Variants in SPIN1 observed in about 807,000 individuals in gnomAD.
The protein encoded by SPIN1 is spindlin-1.
SPIN1 carries 3 observed loss-of-function variants against 26.0 expected under a neutral mutation model. The ratio of observed to expected loss-of-function variants is 0.12; its 90% CI spans 0.05 to 0.30. SPIN1 has a LOEUF of 0.30. Ranked by LOEUF, SPIN1 falls within the 10% of genes least tolerant of loss-of-function variation. The pLI is 1.00. For missense variants in SPIN1, 126 were observed against 333.4 expected, an observed-to-expected ratio of 0.38 and a Z score of 4.84; for synonymous variants, 101 against 116.5, an observed-to-expected ratio of 0.87 and a Z score of 0.86.
chr9:88,459,509 CCTTT>C (rs750706257), intron 3 of SPIN1, among the ~76,000 whole-genome samples: 2 of 152,076 alleles, frequency 1.3e-5, no homozygotes, highest in Non-Finnish European at 2.9e-5. Flanking sequence ...TTTGTCATCT[CCTTT>C]CTCTCTACAA....
At chr9:88,444,584 C>G (rs945710954) in intron 2 of SPIN1, among the ~76,000 whole-genome samples, 6 of 151,616 alleles carry the variant, frequency 4.0e-5, no homozygotes, top group African/African-American at 1.5e-4. Flanking sequence ...CTTGGAGATG[C>G]CAATTCTTTA....
chr9:88,438,097 A>G (rs1244504397), intron 2 of SPIN1, among the ~76,000 whole-genome samples: 1 of 151,850 alleles, frequency 6.6e-6, no homozygotes, highest in African/African-American at 2.4e-5. Flanking sequence ...TTTGCAGTGC[A>G]TCGAGATCAT....
chr9:88,465,839 G>A (rs191366587), intron 4 of SPIN1, among the ~76,000 whole-genome samples: 4 of 152,256 alleles, frequency 2.6e-5, no homozygotes, highest in Admixed American at 2.0e-4. Context: ...ATTCTTTTCA[G>A]TATCATATCT....
Position 88,460,247 on chromosome 9 carries a change from C to T in SPIN1, c.102-2249C>T, listed in dbSNP as rs538261128. Among the ~76,000 whole-genome samples, 9 of 152,174 alleles carry T rather than the reference C, an allele frequency of 5.9e-5. No homozygotes were observed. In the South Asian group the frequency reaches 1.5e-3, roughly 25 times the overall value. On this transcript the variant is annotated intron_variant, in intron 3 of 5. Transcript: ENST00000375859. ...TCTTAATTCTTTTTACTTTTGTCCCCGTCTGTCCCCTTTTCATCATCCACT... is the reference window on the plus strand; with the variant it reads ...TCTTAATTCTTTTTACTTTTGTCCCTGTCTGTCCCCTTTTCATCATCCACT...
chr9:88,395,239 C>T lies in SPIN1; in HGVS notation c.-159+6701C>T, dbSNP rs954159200. Among the ~76,000 whole-genome samples, 17 of 151,964 alleles carry T rather than the reference C, an allele frequency of 1.1e-4. 1 individual carries two copies. Among genetic ancestry groups the T allele is most frequent in the African/African-American group, 4.1e-4 (17 of 41,402 alleles). ...TTCCTCCACGAATTTCTCTCTTGCC[C>T]CAGTTGTTTTTGCTTTGTTTTTCTG... On this transcript the variant is annotated intron_variant, in intron 1 of 5. Coordinates refer to ENST00000375859, the MANE Select transcript of SPIN1 (RefSeq NM_006717.3).
chr9:88,470,066 T>C (rs145099617), intron 5 of SPIN1, among the ~76,000 whole-genome samples: 1 of 152,356 alleles, frequency 6.6e-6, no homozygotes, highest in Non-Finnish European at 1.5e-5. Context: ...ATGGACTATA[T>C]GGTGTGAGGT....
At chr9:88,411,226 C>A in intron 1 of SPIN1, 1 of 1,171,794 alleles carries the variant, frequency 8.5e-7, no homozygotes. Context: ...GTCTTCTGTT[C>A]ACCTTGTGTG....
chr9:88,393,928 A>G (rs1366557875), intron 1 of SPIN1, among the ~76,000 whole-genome samples: 1 of 149,434 alleles, frequency 6.7e-6, no homozygotes, highest in Non-Finnish European at 1.5e-5. Flanking sequence ...GCTTACTACA[A>G]CCTCCGCCTC....
intron 2 of SPIN1, among the ~76,000 whole-genome samples, chr9:88,428,809 G>A (rs1827809537): frequency 1.3e-5 from 2 of 152,100 alleles, no homozygotes; most frequent in Admixed American, 6.6e-5. Flanking sequence ...GAGTCCGTGA[G>A]GTTATTTTTT....
chr9:88,440,582 C>CT (rs375633025), intron 2 of SPIN1, among the ~76,000 whole-genome samples: 126 of 149,538 alleles, frequency 8.4e-4, no homozygotes, highest in African/African-American at 2.5e-3. Context: ...CCTTTCTACC[C>CT]TTTTTTTTTT....
At chr9:88,437,779 A>T (rs951215943) in intron 2 of SPIN1, among the ~76,000 whole-genome samples, 3 of 152,172 alleles carry the variant, frequency 2.0e-5, no homozygotes, top group Non-Finnish European at 2.9e-5. Context: ...TCTAATTTTT[A>T]AAAGTTTATT....
At chr9:88,445,704 T>C (rs543671947) in intron 2 of SPIN1, among the ~76,000 whole-genome samples, 94 of 151,296 alleles carry the variant, frequency 6.2e-4, no homozygotes, top group Middle Eastern at 6.8e-3. Context: ...CTTTTTTTTT[T>C]CCCCCCGTAT....
At chr9:88,441,757 A>AAAAT (rs759976807) in intron 2 of SPIN1, among the ~76,000 whole-genome samples, 2 of 150,118 alleles carry the variant, frequency 1.3e-5, no homozygotes, top group African/African-American at 4.9e-5. Context: ...CCCTGTCTAA[A>AAAAT]AAATAAATAA....
rs1310865922 is a variant in SPIN1 at position 88,475,344 on chromosome 9, G to C, written c.*67G>C. On this transcript the variant is annotated 3_prime_UTR_variant, in exon 6 of 6. Coordinates refer to ENST00000375859, the MANE Select transcript of SPIN1 (RefSeq NM_006717.3). ...GTATTATTTGTAGACATAAAGACTT[G>C]ATTGCTTTCCAGTTTAATGAAAGCT... is the stretch of plus-strand genomic sequence containing the variant. 8 of 1,509,404 alleles carry C rather than the reference G, an allele frequency of 5.3e-6. No individual in the cohort carries two copies. The highest frequency in any genetic ancestry group is 7.3e-6 in the Non-Finnish European group (8 of 1,102,356). The allele number at this position is 1,509,404 out of a possible 1,614,324, so 93.5% of individuals were successfully genotyped here.
chr9:88,448,883 C>A, intron 2 of SPIN1, 58 bp from the exon 3 acceptor site: 1 of 1,508,458 alleles, frequency 6.6e-7, no homozygotes, highest in Non-Finnish European at 9.2e-7. Context: ...AGATTTCCTG[C>A]ATTCTGAGGT....
chr9:88,462,792 G>C, intron 4 of SPIN1, 43 bp downstream of exon 4: 1 of 1,531,650 alleles, frequency 6.5e-7, no homozygotes, highest in South Asian at 1.3e-5. Flanking sequence ...CTTTAAAAAT[G>C]ATATTGAACT....
At chr9:88,431,960 T>C (rs1168800982) in intron 2 of SPIN1, among the ~76,000 whole-genome samples, 2 of 152,176 alleles carry the variant, frequency 1.3e-5, no homozygotes, top group African/African-American at 4.8e-5. Flanking sequence ...AGGATCACTT[T>C]GAGCTCAGGT....
chr9:88,451,614 G>A (rs1828354481), intron 3 of SPIN1, among the ~76,000 whole-genome samples: 1 of 152,190 alleles, frequency 6.6e-6, no homozygotes, highest in Non-Finnish European at 1.5e-5. Flanking sequence ...AGGTTGGAGT[G>A]CAGTGGTGCA....
chr9:88,396,961 G>A (rs2117882844), intron 1 of SPIN1, among the ~76,000 whole-genome samples: 1 of 152,158 alleles, frequency 6.6e-6, no homozygotes, highest in African/African-American at 2.4e-5. Context: ...TGGTATAAAA[G>A]AGAAATGGCA....
Sources: gnomAD v4.1 joint callset for allele counts (sites outside exome capture counted in the v4.1 genomes callset) on GRCh38, gnomAD v4.1.1 for gene constraint, MANE v1.5 for transcripts, NCBI Gene and HGNC (gene_info 2026-07-23, HGNC 2026-07-21) for gene names.